The following ELAPOR1 variants were observed in gnomAD, a reference collection of about 807,000 sequenced individuals.
The protein encoded by ELAPOR1 is endosome/lysosome-associated apoptosis and autophagy regulator 1.
A neutral mutation model predicts 119.7 loss-of-function variants in ELAPOR1; 77 were observed. That is an observed-to-expected ratio of 0.64 (90% CI 0.54 to 0.78). The LOEUF (loss-of-function observed/expected upper bound fraction) is 0.78. Among genes scored for constraint, ELAPOR1 ranks in the 30% least tolerant of loss-of-function variants. ELAPOR1 has a pLI of 0.00. For missense variants in ELAPOR1, 1,115 were observed against 1,270.4 expected (o/e 0.88, Z 1.86); for synonymous variants, 481 against 487.2 (o/e 0.99, Z 0.17).
intron 8 of ELAPOR1, chr1:109,187,880 G>A (rs921416201): frequency 6.6e-5 from 73 of 1,103,218 alleles, no homozygotes; most frequent in South Asian, 2.2e-4. Context: ...CAGTGGAATC[G>A]GAGCTTTCTC....
intron 1 of ELAPOR1, among the ~76,000 whole-genome samples, chr1:109,160,202 G>A (rs1651158113): frequency 6.6e-6 from 1 of 151,864 alleles, no homozygotes; most frequent in Non-Finnish European, 1.5e-5. Context: ...AGCTACTTGG[G>A]AAGCTGAGGT....
In ELAPOR1 at chr1:109,171,915, T is replaced by C. The variant is rs923162928; in HGVS notation, c.517T>C (p.Cys173Arg). Residue 173 changes from cysteine (C) to arginine (R), a missense_variant, in exon 4 of 22, where the codon TGC becomes CGC. Coordinates refer to ENST00000369939, the MANE Select transcript of ELAPOR1 (RefSeq NM_020775.5). ...GDYIASNTDECTATLMYAVNL... is the reference protein window; with the variant it reads ...GDYIASNTDERTATLMYAVNL... ...CTACATCGCCTCCAACACGGACGAA[T>C]GCACAGCCACACTGATGTACGCCGT... 7 of 1,614,104 alleles carry C rather than the reference T, an allele frequency of 4.3e-6. No homozygotes were observed. The Admixed American group carries it at 1.0e-4, about 23-fold the overall frequency.
At chr1:109,144,902 TAAGA>T (rs1450045138) in intron 1 of ELAPOR1, among the ~76,000 whole-genome samples, 1 of 152,222 alleles carries the variant, frequency 6.6e-6, no homozygotes, top group Non-Finnish European at 1.5e-5. Flanking sequence ...CTGCTTGCTT[TAAGA>T]ATCAAACAAC....
At chr1:109,175,904 A>AT (rs978484036) in intron 7 of ELAPOR1, among the ~76,000 whole-genome samples, 2 of 151,786 alleles carry the variant, frequency 1.3e-5, no homozygotes, top group Admixed American at 1.3e-4. Flanking sequence ...AAATTTATAC[A>AT]TTTTAACGTA....
chr1:109,203,010 T>G lies in ELAPOR1; in HGVS notation c.3040T>G (p.Ter1014GlyextTer72). The change falls in exon 22 of 22, where the codon TGA becomes GGA. Residue 1014 changes from the stop codon to glycine (G), a stop_lost. Transcript: ENST00000369939. The stretch of plus-strand genomic sequence containing the variant: ...CTCAGGAGGCCTAGACATGGACCTG[T>G]GAGAGGCACTGCCTGCCTCACCTGC... ...TSSGGLDMDL[*>G] 1.9e-6 allele frequency: 3 copies of G among 1,607,214 alleles called. No individual in the cohort carries two copies. Among genetic ancestry groups the G allele is most frequent in the Non-Finnish European group, 2.6e-6 (3 of 1,174,488 alleles).
intron 1 of ELAPOR1, among the ~76,000 whole-genome samples, chr1:109,130,735 T>A (rs866740991): frequency 3.9e-5 from 6 of 152,188 alleles, no homozygotes; most frequent in Admixed American, 6.5e-5. Context: ...ATAATGGGAA[T>A]TAAAAACTAT....
rs562193282 is a variant in ELAPOR1 at position 109,129,955 on chromosome 1, C to T, written c.153+15619C>T. 7.0e-4 allele frequency among the ~76,000 whole-genome samples: 107 copies of T among 152,264 alleles called. No individual in the cohort carries two copies. In the Middle Eastern group the frequency reaches 0.01, roughly 15 times the overall value. On this transcript the variant is annotated intron_variant, in intron 1 of 21. Coordinates refer to ENST00000369939, the MANE Select transcript of ELAPOR1 (RefSeq NM_020775.5). ...AAACCAAAGTGCCAGCAGGGCCATG[C>T]ACCCTCTGAAGGTTCTAGGGAAGAA...
rs1188173566 is a variant in ELAPOR1 at position 109,205,882 on chromosome 1, C to T, written c.*2870C>T. ...TGCTCCCCTAGCAAGTTAGGCATGTCATATATTTTTAACAGCTTTATTGAG... is the reference window on the plus strand; with the variant it reads ...TGCTCCCCTAGCAAGTTAGGCATGTTATATATTTTTAACAGCTTTATTGAG... On this transcript the variant is annotated 3_prime_UTR_variant, in exon 22 of 22. Coordinates refer to ENST00000369939, the MANE Select transcript of ELAPOR1 (RefSeq NM_020775.5). 6.6e-6 allele frequency: 1 copy of T among 152,200 alleles called. No individual in the cohort carries two copies. Among genetic ancestry groups the T allele is most frequent in the Non-Finnish European group, 1.5e-5 (1 of 68,050 alleles). 9.4% of individuals were successfully genotyped at this position (152,200 alleles called of 1,614,324 possible).
intron 11 of ELAPOR1, among the ~76,000 whole-genome samples, chr1:109,190,912 G>A (rs905139663): frequency 6.6e-5 from 10 of 152,124 alleles, no homozygotes; most frequent in Non-Finnish European, 1.0e-4. Flanking sequence ...TATGATAGAC[G>A]TGCTTCTCAA....
chr1:109,182,482 G>A (rs1286014442), intron 7 of ELAPOR1, among the ~76,000 whole-genome samples: 1 of 152,078 alleles, frequency 6.6e-6, no homozygotes, highest in Non-Finnish European at 1.5e-5. Flanking sequence ...CAGATGAGAA[G>A]GCTGAGGCTC....
In ELAPOR1 at chr1:109,205,619, C is replaced by T. The variant is rs149334759; in HGVS notation, c.*2607C>T. ...TTCTGTAGCCTCAGCAATACTTGGG[C>T]ACCTGCTGTCTCACTGAATAGCTTT... On this transcript the variant is annotated 3_prime_UTR_variant, in exon 22 of 22. Transcript: ENST00000369939. 4 of 152,346 alleles carry T rather than the reference C, an allele frequency of 2.6e-5. No individual in the cohort carries two copies. The highest frequency in any genetic ancestry group is 9.6e-5 in the African/African-American group (4 of 41,576). 9.4% of individuals were successfully genotyped at this position (152,346 alleles called of 1,614,324 possible). A position where few individuals can be genotyped will look rare whatever the true frequency, so the allele number is the denominator to read the frequency against.
At chr1:109,153,679 G>T (rs1164640741) in intron 1 of ELAPOR1, among the ~76,000 whole-genome samples, 1 of 151,996 alleles carries the variant, frequency 6.6e-6, no homozygotes, top group Non-Finnish European at 1.5e-5. Flanking sequence ...TCGCTCTGTT[G>T]CCCAGGCTGG....
intron 7 of ELAPOR1, among the ~76,000 whole-genome samples, chr1:109,183,618 CTCCT>C (rs1298497918): frequency 2.0e-4 from 1 of 4,916 alleles, no homozygotes; most frequent in Non-Finnish European, 7.5e-4. Flanking sequence ...CCATCCTTCC[CTCCT>C]TCCTTCCTTC....
intron 7 of ELAPOR1, among the ~76,000 whole-genome samples, chr1:109,175,919 AATT>A (rs1362569191): frequency 1.3e-5 from 2 of 152,228 alleles, no homozygotes; most frequent in African/African-American, 2.4e-5. Flanking sequence ...AACGTATAAC[AATT>A]ATTATCAAAG....
chr1:109,152,971 A>G (rs1650629331), intron 1 of ELAPOR1, among the ~76,000 whole-genome samples: 1 of 144,288 alleles, frequency 6.9e-6, no homozygotes, highest in Admixed American at 7.0e-5. Flanking sequence ...AAAAAAAAAG[A>G]AAGAAAAAAA....
intron 8 of ELAPOR1, chr1:109,187,584 C>T (rs1174857241): frequency 4.0e-6 from 4 of 1,002,062 alleles, no homozygotes; most frequent in Non-Finnish European, 4.8e-6. Context: ...CCACCTTCAC[C>T]CCTGACTCAG....
intron 1 of ELAPOR1, among the ~76,000 whole-genome samples, chr1:109,127,600 C>T (rs921131612): frequency 7.3e-5 from 11 of 151,216 alleles, no homozygotes; most frequent in Non-Finnish European, 1.2e-4. Flanking sequence ...CAGCGTCCTA[C>T]TCTTCACCCA....
At position 109,164,413 on chromosome 1, in the gene ELAPOR1, C is replaced by T. The variant is rs918284808; in HGVS notation, c.275-86C>T. On this transcript the variant is annotated intron_variant, in intron 2 of 21. Transcript: ENST00000369939. ...CAAACTCCTAGACCCCAACCCAGCG[C>T]TCCTCCCTTCAGCTGCTCGCAGCCC... The T allele has an allele frequency of 6.8e-6, 8 of 1,174,850 alleles. No homozygotes were observed. In the Admixed American group the frequency reaches 1.2e-4, roughly 18 times the overall value. The allele number at this position is 1,174,850 out of a possible 1,614,324, so 72.8% of individuals were successfully genotyped here. A position where few individuals can be genotyped will look rare whatever the true frequency, so the allele number is the denominator to read the frequency against.
chr1:109,164,790 G>C (rs1291183707), intron 3 of ELAPOR1, 99 bp downstream of exon 3: 8 of 1,195,726 alleles, frequency 6.7e-6, no homozygotes, highest in Non-Finnish European at 9.3e-6. Flanking sequence ...GGCTGGGCAG[G>C]GAGGATGGAG....
Sources: gnomAD v4.1 joint callset for allele counts (sites outside exome capture counted in the v4.1 genomes callset) on GRCh38, gnomAD v4.1.1 for gene constraint, MANE v1.5 for transcripts, NCBI Gene and HGNC (gene_info 2026-07-23, HGNC 2026-07-21) for gene names.